LMO3: variants seen among roughly 807,000 people sequenced by gnomAD.
LMO3 encodes LIM domain only protein 3.
LMO3 carries 2 observed loss-of-function variants against 15.8 expected under a neutral mutation model. That is an observed-to-expected ratio of 0.13 (90% CI 0.05 to 0.40). The LOEUF (loss-of-function observed/expected upper bound fraction) is 0.40. Among genes scored for constraint, LMO3 ranks in the 10% least tolerant of loss-of-function variants. The pLI is 0.99. For missense variants in LMO3, 86 were observed against 182.2 expected (o/e 0.47, Z 3.04); for synonymous variants, 62 against 63.8 (o/e 0.97, Z 0.13).
intron 3 of LMO3, among the ~76,000 whole-genome samples, chr12:16,558,304 A>G (rs1942265976): frequency 6.6e-6 from 1 of 151,970 alleles, no homozygotes; most frequent in Non-Finnish European, 1.5e-5. Flanking sequence ...TGTTTTTATC[A>G]TTTTCTATTT....
At position 16,560,591 on chromosome 12, in the gene LMO3, G is replaced by C; in HGVS notation, c.207-53C>G. The C allele has an allele frequency of 6.6e-7, 1 of 1,513,204 alleles. No homozygotes were observed. The highest frequency in any genetic ancestry group is 2.3e-5 in the East Asian group (1 of 43,924). The allele number at this position is 1,513,204 out of a possible 1,614,324, so 93.7% of individuals were successfully genotyped here. A position where few individuals can be genotyped will look rare whatever the true frequency, so the allele number is the denominator to read the frequency against. Reference sequence around the variant, plus strand: ...TACAAACTCTTACAGAGAAATCTGAGATCGTGAAGAGAGATGATGTTAATA... The same window carrying C: ...TACAAACTCTTACAGAGAAATCTGACATCGTGAAGAGAGATGATGTTAATA... On this transcript the variant is annotated intron_variant, in intron 2 of 3. Transcript: ENST00000537304. This position sits in a 1 kb window ranked among gnomAD's most constrained non-coding sequence, Gnocchi z 5.0.
chr12:16,588,316 T>G (rs1591816447), intron 2 of LMO3, among the ~76,000 whole-genome samples: 1 of 152,084 alleles, frequency 6.6e-6, no homozygotes, highest in Non-Finnish European at 1.5e-5. Flanking sequence ...ATCAAATTGT[T>G]TAAAGAACAC....
At chr12:16,605,656 A>C (rs1271783362) in intron 1 of LMO3, 1 of 1,082,410 alleles carries the variant, frequency 9.2e-7, no homozygotes, top group Admixed American at 2.1e-5. Flanking sequence ...ATGGGCTGGG[A>C]GCAAACACTT....
intron 2 of LMO3, among the ~76,000 whole-genome samples, chr12:16,581,407 C>T (rs1357920261): frequency 1.3e-5 from 2 of 152,196 alleles, no homozygotes; most frequent in Non-Finnish European, 2.9e-5. Context: ...GAGGAGATTA[C>T]ATCTGTACAG....
chr12:16,565,589 A>T (rs1329966741), intron 2 of LMO3, among the ~76,000 whole-genome samples: 1 of 152,210 alleles, frequency 6.6e-6, no homozygotes, highest in Non-Finnish European at 1.5e-5. Context: ...TAGAATGTAC[A>T]TATAAAAATA....
At chr12:16,580,288 TA>T (rs1407722231) in intron 2 of LMO3, among the ~76,000 whole-genome samples, 3 of 152,252 alleles carry the variant, frequency 2.0e-5, no homozygotes, top group Middle Eastern at 6.8e-3. Context: ...TGTCAATGTT[TA>T]AAGCAACTTC....
In LMO3 at chr12:16,551,152, A is replaced by T; in HGVS notation, c.*70T>A. 1.0e-6 allele frequency: 1 copy of T among 982,286 alleles called. No homozygotes were observed. The highest frequency in any genetic ancestry group is 1.7e-5 in the Admixed American group (1 of 57,732). The allele number at this position is 982,286 out of a possible 1,614,324, so 60.8% of individuals were successfully genotyped here. ...TCAGTAGGTTCCTGTGTCAATTCTT[A>T]TGTACATGTGGAGCAAAAAAGATAA... On this transcript the variant is annotated 3_prime_UTR_variant, in exon 4 of 4. Transcript: ENST00000537304.
chr12:16,607,578 G>T (rs1021837127), upstream of LMO3: 1 of 151,978 alleles, frequency 6.6e-6, no homozygotes, highest in African/African-American at 2.4e-5. Flanking sequence ...TGTTTGGGCT[G>T]CTCTTAAAGT....
chr12:16,592,485 G>A (rs1943524365), intron 2 of LMO3, among the ~76,000 whole-genome samples: 1 of 151,964 alleles, frequency 6.6e-6, no homozygotes, highest in Non-Finnish European at 1.5e-5. Flanking sequence ...CACAGTATAA[G>A]TGAGCATCTC....
chr12:16,550,406 G>C lies in LMO3; in HGVS notation c.*816C>G, dbSNP rs1022229109. 1 of 152,236 alleles carries C rather than the reference G, an allele frequency of 6.6e-6. No individual in the cohort carries two copies. The highest frequency in any genetic ancestry group is 1.5e-5 in the Non-Finnish European group (1 of 67,866). The allele number at this position is 152,236 out of a possible 1,614,324, so 9.4% of individuals were successfully genotyped here. A position where few individuals can be genotyped will look rare whatever the true frequency, so the allele number is the denominator to read the frequency against. ...GGCACTAGTTCACATAAGGGGTGTG[G>C]CTGAAAAAGCAAAACAAAGCCATTG... On this transcript the variant is annotated 3_prime_UTR_variant, in exon 4 of 4. Coordinates refer to ENST00000537304, the MANE Select transcript of LMO3 (RefSeq NM_018640.5).
intron 2 of LMO3, among the ~76,000 whole-genome samples, chr12:16,595,207 T>TG (rs1361339598): frequency 2.0e-5 from 3 of 151,220 alleles, no homozygotes; most frequent in Non-Finnish European, 4.5e-5. Context: ...TTTAATACTC[T>TG]GGGGGGTCGT....
Position 16,587,157 on chromosome 12 carries a change from C to T in LMO3, c.206+13498G>A, listed in dbSNP as rs1294045229. ...TTTTAAATTATAGCAATTGTGGGTG[C>T]TGCTGACCTGTCAATCTCAAATATA... On this transcript the variant is annotated intron_variant, in intron 2 of 3. Coordinates refer to ENST00000537304, the MANE Select transcript of LMO3 (RefSeq NM_018640.5). The surrounding 1 kb of genome is among the most constrained non-coding windows in gnomAD (Gnocchi z 4.3). Among the ~76,000 whole-genome samples the T allele has an allele frequency of 6.6e-6, 1 of 152,128 alleles. No individual in the cohort carries two copies.
At chr12:16,595,787 A>G (rs11057005) in intron 2 of LMO3, among the ~76,000 whole-genome samples, 52,772 of 151,208 alleles carry the variant, frequency 0.35, 10,751 homozygotes, top group Non-Finnish European at 0.44. Context: ...TAAAAGCTCA[A>G]ATGAAGCTTA....
intron 1 of LMO3, chr12:16,605,189 A>C: frequency 7.4e-7 from 1 of 1,345,044 alleles, no homozygotes; most frequent in Non-Finnish European, 9.5e-7. Context: ...GTAATCCTAA[A>C]ATCCCAGCGG....
chr12:16,566,029 TATATATATATAA>T (rs1942595278), intron 2 of LMO3, among the ~76,000 whole-genome samples: 4 of 69,182 alleles, frequency 5.8e-5, no homozygotes, highest in African/African-American at 2.1e-4. Flanking sequence ...TATATATATA[TATATATATATAA>T]AATGGAGTAC....
intron 3 of LMO3, among the ~76,000 whole-genome samples, chr12:16,556,660 A>G (rs1006912182): frequency 3.9e-5 from 6 of 152,206 alleles, no homozygotes; most frequent in Non-Finnish European, 8.8e-5. Context: ...TGCGACAATG[A>G]TTTGGCTACT....
At position 16,582,642 on chromosome 12, in the gene LMO3, G is replaced by A. The variant is rs1380106857; in HGVS notation, c.206+18013C>T. ...CAATAAGAGGAGGGATTGAAACCAT[G>A]AGGACAAATAACATCTCCTAGGAAA... On this transcript the variant is annotated intron_variant, in intron 2 of 3. Coordinates refer to ENST00000537304, the MANE Select transcript of LMO3 (RefSeq NM_018640.5). This position sits in a 1 kb window ranked among gnomAD's most constrained non-coding sequence, Gnocchi z 4.1. Among the ~76,000 whole-genome samples, 2 of 152,172 alleles carry A rather than the reference G, an allele frequency of 1.3e-5. No homozygotes were observed. The highest frequency in any genetic ancestry group is 1.5e-5 in the Non-Finnish European group (1 of 68,028).
chr12:16,606,176 A>C, upstream of LMO3: 1 of 226,052 alleles, frequency 4.4e-6, no homozygotes. Context: ...AAAAAAAAAA[A>C]AGACGGGGGA....
In LMO3 at chr12:16,560,912, G is replaced by C. The variant is rs1942380820; in HGVS notation, c.207-374C>G. ...TGTTATATATTAAACATTTTAGTTGGGAAAGGAACCAACTAATGAATGATT... is the reference window on the plus strand; with the variant it reads ...TGTTATATATTAAACATTTTAGTTGCGAAAGGAACCAACTAATGAATGATT... On this transcript the variant is annotated intron_variant, in intron 2 of 3. Coordinates refer to ENST00000537304, the MANE Select transcript of LMO3 (RefSeq NM_018640.5). The surrounding 1 kb of genome is among the most constrained non-coding windows in gnomAD (Gnocchi z 5.0). The C allele has an allele frequency of 5.4e-6, 1 of 184,696 alleles. No individual in the cohort carries two copies. Among genetic ancestry groups the C allele is most frequent in the African/African-American group, 2.4e-5 (1 of 41,740 alleles). 11.4% of individuals were successfully genotyped at this position (184,696 alleles called of 1,614,324 possible). A position where few individuals can be genotyped will look rare whatever the true frequency, so the allele number is the denominator to read the frequency against.
Sources: allele counts gnomAD v4.1 joint callset (sites outside exome capture counted in the v4.1 genomes callset), GRCh38; gene constraint gnomAD v4.1.1; non-coding constraint Gnocchi (gnomAD v3.1); transcripts MANE v1.5; gene names NCBI Gene and HGNC (gene_info 2026-07-23, HGNC 2026-07-21).